RBFOX1: variants seen among roughly 807,000 people sequenced by gnomAD.
The protein encoded by RBFOX1 is RNA binding fox-1 homolog 1.
A neutral mutation model predicts 57.7 loss-of-function variants in RBFOX1; 8 were observed. The ratio of observed to expected loss-of-function variants is 0.14; its 90% CI spans 0.08 to 0.25. The LOEUF (loss-of-function observed/expected upper bound fraction) is 0.25. Among genes scored for constraint, RBFOX1 ranks in the 10% least tolerant of loss-of-function variants. The pLI, the probability that RBFOX1 is intolerant of heterozygous loss-of-function variation, is 1.00. For missense variants in RBFOX1, 611 were observed against 548.5 expected (o/e 1.11, Z -1.14); for synonymous variants, 326 against 222.4 (o/e 1.47, Z -4.15).
chr16:5,401,306 G>A (rs1287727214), intron 1 of RBFOX1, among the ~76,000 whole-genome samples: 1 of 152,120 alleles, frequency 6.6e-6, no homozygotes, highest in Non-Finnish European at 1.5e-5. Context: ...CCTAGAAACC[G>A]TTTTGTCAGT....
chr16:6,429,232 G>A (rs1006982035), intron 2 of RBFOX1, among the ~76,000 whole-genome samples: 3 of 152,258 alleles, frequency 2.0e-5, no homozygotes, highest in Non-Finnish European at 4.4e-5. Flanking sequence ...GAGCTTTGGT[G>A]GAGAGTGGGA....
intron 3 of RBFOX1, among the ~76,000 whole-genome samples, chr16:6,923,140 C>T (rs368720024): frequency 7.2e-5 from 11 of 152,310 alleles, no homozygotes; most frequent in African/African-American, 2.6e-4. Context: ...AGGAAAGCAG[C>T]TGGTCCAGTG....
intron 2 of RBFOX1, among the ~76,000 whole-genome samples, chr16:5,511,415 C>CT (rs2043587831): frequency 6.6e-6 from 1 of 152,136 alleles, no homozygotes; most frequent in Admixed American, 6.5e-5. Flanking sequence ...AAAAGGCTCT[C>CT]TTTTTTCATT....
chr16:6,688,897 C>A (rs949652128), intron 3 of RBFOX1, among the ~76,000 whole-genome samples: 6 of 152,162 alleles, frequency 3.9e-5, no homozygotes, highest in Non-Finnish European at 7.4e-5. Flanking sequence ...ACTTGGTTTT[C>A]TGTTCCTGTG....
intron 4 of RBFOX1, among the ~76,000 whole-genome samples, chr16:7,072,046 A>G (rs12448314): frequency 0.022 from 3,359 of 152,268 alleles, 68 homozygotes; most frequent in South Asian, 0.056. Context: ...TCTAAACTAG[A>G]TTATTTCAAT....
At chr16:7,594,182 C>A (rs1283391675) in intron 7 of RBFOX1, among the ~76,000 whole-genome samples, 7 of 149,768 alleles carry the variant, frequency 4.7e-5, no homozygotes, top group Admixed American at 2.0e-4. Context: ...GTGGTCAATA[C>A]CTCTTTAGCC....
At chr16:6,904,548 C>A (rs1018632989) in intron 3 of RBFOX1, among the ~76,000 whole-genome samples, 1 of 130,134 alleles carries the variant, frequency 7.7e-6, no homozygotes, top group Non-Finnish European at 1.5e-5. Context: ...TTGCAGTGAG[C>A]TGAGATCATG....
chr16:6,633,843 A>G (rs980277111), intron 2 of RBFOX1, among the ~76,000 whole-genome samples: 1 of 152,070 alleles, frequency 6.6e-6, no homozygotes, highest in Admixed American at 6.6e-5. Flanking sequence ...ATGTATCTCT[A>G]TAAAAAAATA....
intron 3 of RBFOX1, among the ~76,000 whole-genome samples, chr16:6,887,728 T>A (rs776076661): frequency 9.9e-5 from 15 of 151,606 alleles, no homozygotes; most frequent in Non-Finnish European, 1.8e-4. Context: ...CCTGGTGCAA[T>A]CTTGGCTTAC....
At chr16:5,700,499 T>C (rs781391699) in intron 3 of RBFOX1, among the ~76,000 whole-genome samples, 3 of 152,216 alleles carry the variant, frequency 2.0e-5, no homozygotes, top group Non-Finnish European at 4.4e-5. Context: ...TAGGCAATAA[T>C]ATTTTCTTCT....
intron 3 of RBFOX1, among the ~76,000 whole-genome samples, chr16:5,692,581 C>T (rs1174901393): frequency 6.6e-6 from 1 of 152,146 alleles, no homozygotes; most frequent in African/African-American, 2.4e-5. Context: ...TTGTTTTAAG[C>T]TTCTGAGTTT....
intron 3 of RBFOX1, among the ~76,000 whole-genome samples, chr16:6,688,744 C>G (rs1254569339): frequency 6.6e-6 from 1 of 152,082 alleles, no homozygotes; most frequent in African/African-American, 2.4e-5. Flanking sequence ...ACACATCAAC[C>G]CATCATCTAC....
At chr16:6,682,149 T>A (rs2058743129) in intron 3 of RBFOX1, among the ~76,000 whole-genome samples, 1 of 152,212 alleles carries the variant, frequency 6.6e-6, no homozygotes, top group South Asian at 2.1e-4. Context: ...TGAATGTGTA[T>A]TGTTTGCCTG....
intron 5 of RBFOX1, among the ~76,000 whole-genome samples, chr16:7,536,296 T>G (rs1270785334): frequency 6.6e-6 from 1 of 152,190 alleles, no homozygotes; most frequent in Admixed American, 6.5e-5. Context: ...AAGTGACTTT[T>G]AACATGAAAA....
At chr16:6,983,026 G>A (rs1261354564) in intron 3 of RBFOX1, among the ~76,000 whole-genome samples, 1 of 148,604 alleles carries the variant, frequency 6.7e-6, no homozygotes, top group African/African-American at 2.5e-5. Flanking sequence ...AAGGAAAGGT[G>A]TCGAACTGAG....
intron 3 of RBFOX1, among the ~76,000 whole-genome samples, chr16:6,678,696 T>G (rs186155371): frequency 2.6e-5 from 4 of 152,024 alleles, no homozygotes; most frequent in African/African-American, 9.6e-5. Flanking sequence ...AGGGAATCCT[T>G]TAAGCTCTGT....
At chr16:6,561,038 A>C (rs2097173096) in intron 2 of RBFOX1, among the ~76,000 whole-genome samples, 1 of 152,226 alleles carries the variant, frequency 6.6e-6, no homozygotes, top group Admixed American at 6.5e-5. Context: ...CCACAGGCTT[A>C]AGTTGAATTA....
chr16:6,717,192 G>C (rs1172777860), intron 3 of RBFOX1, among the ~76,000 whole-genome samples: 2 of 151,940 alleles, frequency 1.3e-5, no homozygotes, highest in African/African-American at 4.8e-5. Flanking sequence ...ACAGCAACTC[G>C]ACTAAAATGG....
intron 3 of RBFOX1, among the ~76,000 whole-genome samples, chr16:6,885,655 C>T (rs561238225): frequency 6.6e-6 from 1 of 152,052 alleles, no homozygotes; most frequent in African/African-American, 2.4e-5. Flanking sequence ...CCTTAGCCTC[C>T]CTAGTAGCTG....
Sources: allele counts gnomAD v4.1 joint callset (sites outside exome capture counted in the v4.1 genomes callset), GRCh38; gene constraint gnomAD v4.1.1; transcripts MANE v1.5; gene names NCBI Gene and HGNC (gene_info 2026-07-23, HGNC 2026-07-21).